ITIH3: variants seen among roughly 807,000 people sequenced by gnomAD.
ITIH3 encodes the protein inter-alpha-trypsin inhibitor heavy chain H3.
A neutral mutation model predicts 96.5 loss-of-function variants in ITIH3; 81 were observed. The observed-to-expected ratio is 0.84, with a 90% CI of 0.70 to 1.01. ITIH3 has a LOEUF of 1.01. Ranked by LOEUF, ITIH3 falls within the 50% of genes least tolerant of loss-of-function variation. ITIH3 has a pLI of 0.00. For missense variants in ITIH3, 1,057 were observed against 1,139.3 expected, an observed-to-expected ratio of 0.93 and a Z score of 1.04; for synonymous variants, 422 against 445.2, an observed-to-expected ratio of 0.95 and a Z score of 0.66.
rs750435819 is a variant in ITIH3, at chr3:52,800,554, C to T, written c.1092C>T (p.Asp364=). The T allele has an allele frequency of 1.9e-5, 30 of 1,555,906 alleles. No homozygotes were observed. The Admixed American group carries it at 3.3e-4, about 17-fold the overall frequency. ...GTGTCCCAGTGACCAACATCAATGA[C>T]GGGCTGCTGAGGGGCATCAGTATGC... ...MEDKGMTNIN[D]GLLRGISMLN... The change falls in exon 10 of 22, where the codon GAC becomes GAT. Residue 364 remains aspartate (D), a synonymous_variant. Transcript: ENST00000449956.
rs148156289 is a variant in ITIH3 at position 52,807,756 on chromosome 3, G to T, written c.2271G>T (p.Met757Ile). ...TVTVTQDGLSMMINRKNMVVS... is the reference protein window; with the variant it reads ...TVTVTQDGLSIMINRKNMVVS... ...TGGCTTCCTCTCGTAGGCTGTCCATGATGATCAACAGGAAGAACATGGTGG... is the reference window on the plus strand; with the variant it reads ...TGGCTTCCTCTCGTAGGCTGTCCATTATGATCAACAGGAAGAACATGGTGG... Residue 757 changes from methionine (M) to isoleucine (I), a missense_variant, in exon 20 of 22, where the codon ATG becomes ATT. Met to Ile is a conservative substitution (Grantham distance 10, BLOSUM62 1). Coordinates refer to ENST00000449956, the MANE Select transcript of ITIH3 (RefSeq NM_002217.4). 4 of 1,610,436 alleles carry T rather than the reference G, an allele frequency of 2.5e-6. No homozygotes were observed. The African/African-American group carries it at 4.0e-5, about 16-fold the overall frequency.
rs766476316 is a variant in ITIH3 at position 52,796,841 on chromosome 3, CAAGT to C, written c.386+4_386+7del. ...CCCAGGGCAAGACGGCCGGCTTGGT[CAAGT>C]AAGTATGGACTCCCAGGCCTTGGGG... On this transcript the variant is annotated splice_donor_variant and coding_sequence_variant, in exon 4 of 22. Coordinates refer to ENST00000449956, the MANE Select transcript of ITIH3 (RefSeq NM_002217.4). LOFTEE classifies it high-confidence loss of function. 3.1e-6 allele frequency: 5 copies of C among 1,600,730 alleles called. No homozygotes were observed. In the South Asian group the frequency reaches 5.7e-5, roughly 18 times the overall value.
intron 2 of ITIH3, chr3:52,796,075 A>G (rs1163431807): frequency 8.8e-6 from 2 of 227,790 alleles, no homozygotes; most frequent in Non-Finnish European, 1.7e-5. Context: ...GAATGAGGCA[A>G]TTACCTAAAG....
rs957085629 is a variant in ITIH3, at chr3:52,807,772, A to G, written c.2287A>G (p.Asn763Asp). 6.2e-7 allele frequency: 1 copy of G among 1,612,062 alleles called. No homozygotes were observed. Among genetic ancestry groups the G allele is most frequent in the African/African-American group, 1.3e-5 (1 of 75,024 alleles). ...GCTGTCCATGATGATCAACAGGAAG[A>G]ACATGGTGGTCTCCTTTGGAGATGG... ...DGLSMMINRK[N>D]MVVSFGDGVT... Residue 763 changes from asparagine to aspartate, a missense_variant, in exon 20 of 22, where the codon AAC becomes GAC. Asn to Asp is a conservative substitution (Grantham distance 23). Coordinates refer to ENST00000449956, the MANE Select transcript of ITIH3 (RefSeq NM_002217.4).
chr3:52,802,286 G>A lies in ITIH3; in HGVS notation c.1384-48G>A, dbSNP rs765495585. 14 of 1,594,540 alleles carry A rather than the reference G, an allele frequency of 8.8e-6. No homozygotes were observed. In the South Asian group the frequency reaches 1.5e-4, roughly 17 times the overall value. Reference sequence around the variant, plus strand: ...ATGGATGCCCAGCTGCAGCATCAGTGGGAGCCTGACCTGGGGCTTGAGATG... The same window carrying A: ...ATGGATGCCCAGCTGCAGCATCAGTAGGAGCCTGACCTGGGGCTTGAGATG... On this transcript the variant is annotated intron_variant, in intron 11 of 21. Transcript: ENST00000449956.
chr3:52,808,505 C>A, intron 21 of ITIH3, 47 bp from the exon 22 acceptor site: 1 of 1,597,176 alleles, frequency 6.3e-7, no homozygotes, highest in Non-Finnish European at 8.6e-7. Context: ...AGCCTAGCAG[C>A]CATCTTACCC....
Position 52,803,325 on chromosome 3 carries a change from A to T in ITIH3, c.1709+519A>T, listed in dbSNP as rs372600930. ...TTATTTATTTTATTTTATTATTATT[A>T]TTTTTTTTTTTGAGACGGAGTCTCG... On this transcript the variant is annotated intron_variant, in intron 13 of 21. Coordinates refer to ENST00000449956, the MANE Select transcript of ITIH3 (RefSeq NM_002217.4). Among the ~76,000 whole-genome samples, 433 of 115,390 alleles carry T rather than the reference A, an allele frequency of 3.8e-3. 4 individuals carry two copies. Among genetic ancestry groups the T allele is most frequent in the African/African-American group, 7.4e-3 (124 of 16,798 alleles). 75.7% of individuals were successfully genotyped at this position (115,390 alleles called of 152,430 possible).
intron 6 of ITIH3, 31 bp downstream of exon 6, chr3:52,797,961 G>T (rs1240585216): frequency 1.5e-6 from 2 of 1,333,986 alleles, no homozygotes; most frequent in African/African-American, 2.9e-5. Flanking sequence ...ACCTGGTGGG[G>T]CAGGGGACAG....
At chr3:52,804,393 G>A (rs1699962016) in intron 14 of ITIH3, 1 of 438,904 alleles carries the variant, frequency 2.3e-6, no homozygotes, top group South Asian at 2.9e-5. Context: ...GAGTCCCTGA[G>A]AGCTGGAGGC....
intron 5 of ITIH3, among the ~76,000 whole-genome samples, chr3:52,797,604 G>A (rs959713470): frequency 2.6e-5 from 4 of 152,326 alleles, no homozygotes; most frequent in South Asian, 4.1e-4. Flanking sequence ...AATTTCGGGC[G>A]CATATGGCAG....
chr3:52,797,782 C>G (rs757865045), intron 5 of ITIH3, 35 bp from the exon 6 acceptor site: 4 of 1,380,824 alleles, frequency 2.9e-6, no homozygotes, highest in Non-Finnish European at 4.1e-6. Context: ...CCTCTGAGGT[C>G]ACTGAGTGAC....
intron 6 of ITIH3, 159 bp from the exon 7 acceptor site, chr3:52,798,807 C>T (rs548145859): frequency 5.2e-5 from 41 of 786,156 alleles, no homozygotes; most frequent in African/African-American, 4.5e-4. Flanking sequence ...ACGCCACCGG[C>T]GGGCAGGGCT....
At chr3:52,803,104 C>T (rs769469911) in intron 13 of ITIH3, among the ~76,000 whole-genome samples, 37 of 152,164 alleles carry the variant, frequency 2.4e-4, no homozygotes, top group African/African-American at 7.9e-4. Context: ...AACTGAAGGC[C>T]GGGATCCCAG....
intron 7 of ITIH3, 129 bp from the exon 8 acceptor site, chr3:52,799,243 C>G: frequency 1.7e-6 from 2 of 1,198,670 alleles, no homozygotes; most frequent in Non-Finnish European, 2.4e-6. Context: ...CCTGGTGCAG[C>G]ACCCCCTAGA....
At chr3:52,802,991 G>C (rs562090074) in intron 13 of ITIH3, among the ~76,000 whole-genome samples, 185 bp downstream of exon 13, 100 of 152,360 alleles carry the variant, frequency 6.6e-4, no homozygotes, top group Non-Finnish European at 9.6e-4. Flanking sequence ...GCTCAAGCTG[G>C]CAAGTCCCCT....
intron 14 of ITIH3, 138 bp from the exon 15 acceptor site, chr3:52,804,588 C>G: frequency 4.8e-6 from 4 of 833,004 alleles, no homozygotes; most frequent in Non-Finnish European, 7.7e-6. Context: ...CCAGGGGACA[C>G]CCAGTGGGGG....
Position 52,799,821 on chromosome 3 carries a change from C to G in ITIH3, c.975C>G (p.Phe325Leu). Residue 325 changes from phenylalanine (F) to leucine (L), a missense_variant, in exon 9 of 22, where the codon TTC becomes TTG. Transcript: ENST00000449956. ...QEEDYLNFILFSGDVSTWKEH... is the reference protein window; with the variant it reads ...QEEDYLNFILLSGDVSTWKEH... ...AAGACTATCTGAATTTCATCCTGTT[C>G]AGTGGAGATGTGTCCACATGGAAAG... 1 of 1,613,878 alleles carries G rather than the reference C, an allele frequency of 6.2e-7. No individual in the cohort carries two copies. The highest frequency in any genetic ancestry group is 1.1e-5 in the South Asian group (1 of 91,078).
chr3:52,805,633 G>A, intron 15 of ITIH3, 175 bp from the exon 16 acceptor site: 1 of 1,422,862 alleles, frequency 7.0e-7, no homozygotes, highest in Non-Finnish European at 9.2e-7. Flanking sequence ...CCCATAAAGG[G>A]CTTCCCTGGA....
At chr3:52,808,025 C>T in intron 20 of ITIH3, 85 bp from the exon 21 acceptor site, 2 of 1,572,954 alleles carry the variant, frequency 1.3e-6, no homozygotes, top group Non-Finnish European at 1.7e-6. Context: ...CCCCATTCAG[C>T]CTTTGCATCA....
Sources: gnomAD v4.1 joint callset for allele counts (sites outside exome capture counted in the v4.1 genomes callset) on GRCh38, gnomAD v4.1.1 for gene constraint, MANE v1.5 for transcripts, NCBI Gene and HGNC (gene_info 2026-07-23, HGNC 2026-07-21) for gene names.